Variants in NOTCH1 observed in about 807,000 individuals in gnomAD.
NOTCH1 encodes neurogenic locus notch homolog protein 1.
NOTCH1 carries 37 observed loss-of-function variants against 254.8 expected under a neutral mutation model. That is an observed-to-expected ratio of 0.15 (90% CI 0.11 to 0.19). NOTCH1 has a LOEUF of 0.19. Among genes scored for constraint, NOTCH1 ranks in the 10% least tolerant of loss-of-function variants. The probability of loss-of-function intolerance (pLI) is 1.00; values close to 1 mark genes in which losing one functional copy is unlikely to be tolerated. For missense variants in NOTCH1, 2,972 were observed against 3,708.6 expected, an observed-to-expected ratio of 0.80 and a Z score of 5.16; for synonymous variants, 1,731 against 1,618.1, an observed-to-expected ratio of 1.07 and a Z score of -1.68.
rs1484527670 is a variant in NOTCH1, at chr9:136,501,991, C to A, written c.5472+10G>T. ...CGGGAGCCCAGGAGCCCGGGAGCCT[C>A]GCGACTCACCCGGAACTTCTTGGTC... On this transcript the variant is annotated intron_variant, in intron 29 of 33. Coordinates refer to ENST00000651671, the MANE Select transcript of NOTCH1 (RefSeq NM_017617.5). The A allele has an allele frequency of 6.2e-7, 1 of 1,612,636 alleles. No homozygotes were observed. The highest frequency in any genetic ancestry group is 8.5e-7 in the Non-Finnish European group (1 of 1,179,940).
At chr9:136,516,846 A>G (rs1589067359) in intron 9 of NOTCH1, among the ~76,000 whole-genome samples, 1 of 151,630 alleles carries the variant, frequency 6.6e-6, no homozygotes, top group South Asian at 2.1e-4. Context: ...GTCTGAAAAC[A>G]CTCCCATCCA....
chr9:136,509,919 G>A lies in NOTCH1; in HGVS notation c.2783C>T (p.Thr928Met), dbSNP rs764921648. 2.1e-5 allele frequency: 34 copies of A among 1,613,166 alleles called. No homozygotes were observed. Among genetic ancestry groups the A allele is most frequent in the Admixed American group, 1.0e-4 (6 of 60,018 alleles). ...GCCGGGCAGGCAGTCGCAGAAGGCC[G>A]TGTTGATGCCGTCTGTGCAGGAGCC... ...NGGSCTDGIN[T>M]AFCDCLPGFR... The change falls in exon 18 of 34, where the codon ACG (threonine) becomes ATG (methionine). Residue 928 changes from threonine to methionine, a missense_variant. Physicochemically the swap from Thr to Met is moderately conservative, Grantham distance 81 (BLOSUM62 -1). This residue lies in a region of NOTCH1 where 1,343 missense variants were observed against 1,557.0 expected (regional missense o/e 0.86). Transcript: ENST00000651671.
At chr9:136,498,103 T>A (rs1027148001) in intron 33 of NOTCH1, among the ~76,000 whole-genome samples, 2 of 152,012 alleles carry the variant, frequency 1.3e-5, no homozygotes, top group Non-Finnish European at 2.9e-5. Flanking sequence ...TGGGGCCCAG[T>A]CTCTGTGGGG....
At chr9:136,538,332 G>A (rs945021709) in intron 2 of NOTCH1, among the ~76,000 whole-genome samples, 9 of 151,548 alleles carry the variant, frequency 5.9e-5, no homozygotes, top group South Asian at 2.1e-4. Context: ...AGGCCTCGCC[G>A]CAGGGCCCAC....
intron 10 of NOTCH1, 52 bp downstream of exon 10, chr9:136,515,929 A>C (rs1331116354): frequency 6.9e-7 from 1 of 1,441,906 alleles, no homozygotes; most frequent in Non-Finnish European, 9.6e-7. Flanking sequence ...CACTGCCCTG[A>C]GTGCCCTGTC....
chr9:136,510,115 C>A (rs1252114661), intron 17 of NOTCH1, among the ~76,000 whole-genome samples, 154 bp from the exon 18 acceptor site: 2 of 152,210 alleles, frequency 1.3e-5, no homozygotes, highest in African/African-American at 4.8e-5. Flanking sequence ...GTGGGGAGCC[C>A]CAGCACCCAC....
At chr9:136,531,782 G>A (rs951880325) in intron 2 of NOTCH1, among the ~76,000 whole-genome samples, 4 of 152,228 alleles carry the variant, frequency 2.6e-5, no homozygotes, top group African/African-American at 7.2e-5. Flanking sequence ...CGCCTGTCCC[G>A]GGAAACCACC....
intron 2 of NOTCH1, among the ~76,000 whole-genome samples, chr9:136,535,830 T>G (rs1386545907): frequency 1.5e-4 from 11 of 72,926 alleles, no homozygotes; most frequent in African/African-American, 2.2e-4. Flanking sequence ...GCAGGGTGGG[T>G]GGAGGGGGGA....
At chr9:136,541,303 G>A (rs968282683) in intron 2 of NOTCH1, among the ~76,000 whole-genome samples, 1 of 152,164 alleles carries the variant, frequency 6.6e-6, no homozygotes, top group African/African-American at 2.4e-5. Flanking sequence ...CCACCTGATT[G>A]GCAGCTTCCG....
At position 136,501,929 on chromosome 9, in the gene NOTCH1, G is replaced by A. The variant is rs2133329416; in HGVS notation, c.5473-16C>T. 6.2e-7 allele frequency: 1 copy of A among 1,611,492 alleles called. No homozygotes were observed. The highest frequency in any genetic ancestry group is 8.5e-7 in the Non-Finnish European group (1 of 1,179,954). ...GCTCCTCGAACTACATAGAGGGAGT[G>A]AGCAGAGCCTGTCAGGGCAGCCCGG... On this transcript the variant is annotated splice_polypyrimidine_tract_variant and intron_variant, in intron 29 of 33. Coordinates refer to ENST00000651671, the MANE Select transcript of NOTCH1 (RefSeq NM_017617.5).
At chr9:136,507,091 G>A in intron 22 of NOTCH1, 118 bp from the exon 23 acceptor site, 1 of 1,500,540 alleles carries the variant, frequency 6.7e-7, no homozygotes, top group South Asian at 1.2e-5. Context: ...CTCGGGAGAG[G>A]CAGGTGTCAA....
chr9:136,503,130 G>C, intron 27 of NOTCH1, 52 bp downstream of exon 27: 3 of 1,611,004 alleles, frequency 1.9e-6, no homozygotes, highest in Non-Finnish European at 2.5e-6. Context: ...GGGCACGGGG[G>C]GATGGCACCC....
intron 17 of NOTCH1, 53 bp downstream of exon 17, chr9:136,510,600 G>C: frequency 1.3e-6 from 2 of 1,574,592 alleles, no homozygotes; most frequent in South Asian, 1.1e-5. Context: ...CTGCCCGGGG[G>C]AACTGAGGCC....
Position 136,519,425 on chromosome 9 carries a change from G to A in NOTCH1, c.865+18C>T, listed in dbSNP as rs55677618. 2.2e-4 allele frequency: 352 copies of A among 1,612,510 alleles called. No homozygotes were observed. In the African/African-American group the frequency reaches 3.9e-3, roughly 18 times the overall value. On this transcript the variant is annotated intron_variant, in intron 5 of 33. Transcript: ENST00000651671. ...CCCCGCCCCGGCTACCCCGCCCTGC[G>A]GCGACCCGTATACGCGCCTGTCCAC...
Position 136,521,428 on chromosome 9 carries a change from T to C in NOTCH1, c.742+1422A>G, listed in dbSNP as rs868821276. The stretch of plus-strand genomic sequence containing the variant: ...CTGAGCCGGCCCAGCACCCCTGGCA[T>C]CTCTGCCGCTGGGCCTCACCAGGAG... On this transcript the variant is annotated intron_variant, in intron 4 of 33. Transcript: ENST00000651671. 2.0e-5 allele frequency among the ~76,000 whole-genome samples: 3 copies of C among 151,702 alleles called. No homozygotes were observed. In the Middle Eastern group the frequency reaches 0.01, roughly 516 times the overall value.
rs116020722 is a variant in NOTCH1 at position 136,543,959 on chromosome 9, G to C, written c.140+65C>G. 2.2e-3 allele frequency: 3,176 copies of C among 1,418,728 alleles called. 62 individuals carry two copies. The African/African-American group carries it at 0.038, about 17-fold the overall frequency. 87.9% of individuals were successfully genotyped at this position (1,418,728 alleles called of 1,614,324 possible). A position where few individuals can be genotyped will look rare whatever the true frequency, so the allele number is the denominator to read the frequency against. On this transcript the variant is annotated intron_variant, in intron 2 of 33. Coordinates refer to ENST00000651671, the MANE Select transcript of NOTCH1 (RefSeq NM_017617.5). ...AATGGCCTAGTGTTCTGTCCCCTGC[G>C]CGGCTGCAGAAGGCAGGGGCTCTGC...
rs1195121354 is a variant in NOTCH1, at chr9:136,495,032, G to A, written c.*1039C>T. ...CTCTGGCAAGTCTCCTACAAAACAC[G>A]GGAGCCCACGGGGGGTCGGGTCCCG... On this transcript the variant is annotated 3_prime_UTR_variant, in exon 34 of 34. Coordinates refer to ENST00000651671, the MANE Select transcript of NOTCH1 (RefSeq NM_017617.5). 15 of 398,810 alleles carry A rather than the reference G, an allele frequency of 3.8e-5. No homozygotes were observed. Among genetic ancestry groups the A allele is most frequent in the South Asian group, 1.3e-4 (1 of 7,862 alleles). The allele number at this position is 398,810 out of a possible 1,614,324, so 24.7% of individuals were successfully genotyped here. A position where few individuals can be genotyped will look rare whatever the true frequency, so the allele number is the denominator to read the frequency against.
intron 2 of NOTCH1, among the ~76,000 whole-genome samples, chr9:136,528,657 G>A (rs954693907): frequency 1.3e-5 from 2 of 151,792 alleles, no homozygotes; most frequent in African/African-American, 4.8e-5. Context: ...GGGAAGGGAA[G>A]GGGAGGAGCT....
At chr9:136,530,663 G>A (rs73668316) in intron 2 of NOTCH1, among the ~76,000 whole-genome samples, 2,394 of 152,286 alleles carry the variant, frequency 0.016, 58 homozygotes, top group African/African-American at 0.055. Flanking sequence ...AATTTCCCAC[G>A]CGGATCCCCC....
Sources: allele counts gnomAD v4.1 joint callset (sites outside exome capture counted in the v4.1 genomes callset), GRCh38; gene constraint gnomAD v4.1.1; regional missense constraint gnomAD v4.1.1; transcripts MANE v1.5; gene names NCBI Gene and HGNC (gene_info 2026-07-23, HGNC 2026-07-21).